The following GPR158 variants were observed in gnomAD, a reference collection of about 807,000 sequenced individuals.
GPR158 encodes G protein-coupled receptor 158.
GPR158 carries 30 observed loss-of-function variants against 78.2 expected under a neutral mutation model. The ratio of observed to expected loss-of-function variants is 0.38; its 90% CI spans 0.29 to 0.52. The LOEUF (loss-of-function observed/expected upper bound fraction) is 0.52. GPR158 is among the 20% of genes least tolerant of loss of function. The pLI is 0.83. For synonymous variants in GPR158, 581 were observed against 591.1 expected, an observed-to-expected ratio of 0.98 and a Z score of 0.25; for missense variants, 1,463 against 1,523.5, an observed-to-expected ratio of 0.96 and a Z score of 0.66.
chr10:25,198,393 A>AC (rs2130651507), intron 1 of GPR158, among the ~76,000 whole-genome samples: 1 of 152,292 alleles, frequency 6.6e-6, no homozygotes, highest in Admixed American at 6.5e-5. Context: ...GGGGAGGAGA[A>AC]CATTTCCTTG....
chr10:25,342,720 C>T (rs573812), intron 2 of GPR158, among the ~76,000 whole-genome samples: 101,529 of 151,266 alleles, frequency 0.67, 35,768 homozygotes, highest in Non-Finnish European at 0.8. Context: ...ATTAGTACCT[C>T]TTTTCCTCAG....
At chr10:25,293,348 A>C (rs1022033035) in intron 2 of GPR158, among the ~76,000 whole-genome samples, 1 of 152,220 alleles carries the variant, frequency 6.6e-6, no homozygotes, top group African/African-American at 2.4e-5. Context: ...TCCCACTTAC[A>C]TAGTAGGTAT....
chr10:25,302,379 C>G (rs1378329910), intron 2 of GPR158, among the ~76,000 whole-genome samples: 2 of 152,010 alleles, frequency 1.3e-5, no homozygotes, highest in Non-Finnish European at 2.9e-5. Flanking sequence ...CCACCGCGCC[C>G]GGCCATTTGT....
chr10:25,329,111 G>C (rs1855080997), intron 2 of GPR158, among the ~76,000 whole-genome samples: 1 of 151,858 alleles, frequency 6.6e-6, no homozygotes, highest in Non-Finnish European at 1.5e-5. Context: ...TTATAAATTT[G>C]TTTTGCTCTG....
chr10:25,599,076 T>C lies in GPR158; in HGVS notation c.3450T>C (p.Asn1150=), dbSNP rs1300291832. Residue 1150 remains asparagine, a synonymous_variant, in exon 11 of 11, where the codon AAT becomes AAC. Transcript: ENST00000376351. ...QEKKTSSSEE[N]VRGSYNSSNN... ...AAAAGACATCTTCTTCTGAGGAGAA[T>C]GTGCGTGGCTCCTATAACTCAAGTA... 6.2e-6 allele frequency: 10 copies of C among 1,613,586 alleles called. No homozygotes were observed. The South Asian group carries it at 8.8e-5, about 14-fold the overall frequency.
At chr10:25,515,298 G>A (rs1221832720) in intron 5 of GPR158, among the ~76,000 whole-genome samples, 1 of 151,546 alleles carries the variant, frequency 6.6e-6, no homozygotes, top group Non-Finnish European at 1.5e-5. Context: ...AGACTTTCCA[G>A]TGCATTTTGC....
intron 2 of GPR158, among the ~76,000 whole-genome samples, chr10:25,321,213 T>C (rs1854943588): frequency 1.3e-5 from 2 of 152,224 alleles, no homozygotes; most frequent in African/African-American, 2.4e-5. Flanking sequence ...TAATGCTAAA[T>C]ATGTATTTTT....
chr10:25,505,682 G>T (rs1028581108), intron 5 of GPR158, among the ~76,000 whole-genome samples: 4 of 152,274 alleles, frequency 2.6e-5, no homozygotes, highest in Admixed American at 1.3e-4. Context: ...CTCAGATCCA[G>T]CCTCCCTGTT....
chr10:25,435,472 G>C (rs1834986623), intron 4 of GPR158, among the ~76,000 whole-genome samples: 1 of 152,036 alleles, frequency 6.6e-6, no homozygotes, highest in Non-Finnish European at 1.5e-5. Context: ...CCCAGAAAAA[G>C]AAAATTATGT....
rs568633834 is a variant in GPR158, at chr10:25,469,197, A to T, written c.1404+2478A>T. The stretch of plus-strand genomic sequence containing the variant: ...ATGTACACTCTCTCTTGGTGATCTC[A>T]TCTAGCCTCAAAGTTTAAGTACTAT... On this transcript the variant is annotated intron_variant, in intron 5 of 10. Coordinates refer to ENST00000376351, the MANE Select transcript of GPR158 (RefSeq NM_020752.3). 2.6e-5 allele frequency among the ~76,000 whole-genome samples: 4 copies of T among 152,238 alleles called. No individual in the cohort carries two copies. The East Asian group carries it at 7.7e-4, about 29-fold the overall frequency.
At chr10:25,202,295 A>G (rs140189492) in intron 1 of GPR158, among the ~76,000 whole-genome samples, 47 of 151,296 alleles carry the variant, frequency 3.1e-4, no homozygotes, top group African/African-American at 1.1e-3. Context: ...GTACATGTGC[A>G]CAACATGCAG....
intron 5 of GPR158, among the ~76,000 whole-genome samples, chr10:25,514,396 C>A (rs1836132625): frequency 6.6e-6 from 1 of 151,968 alleles, no homozygotes; most frequent in African/African-American, 2.4e-5. Context: ...TTATGTGAGT[C>A]CTTATATGTT....
intron 2 of GPR158, among the ~76,000 whole-genome samples, chr10:25,251,475 C>T (rs375743116): frequency 0.01 from 1,566 of 151,630 alleles, 12 homozygotes; most frequent in South Asian, 0.029. Flanking sequence ...CCATGTTTAG[C>T]GCTTCCTTCA....
chr10:25,392,365 G>A (rs1186983172), intron 2 of GPR158, among the ~76,000 whole-genome samples: 3 of 152,288 alleles, frequency 2.0e-5, no homozygotes, highest in African/African-American at 7.2e-5. Flanking sequence ...GGCAGGTGTG[G>A]GATCCAGGCT....
At chr10:25,325,884 C>T (rs1050582191) in intron 2 of GPR158, among the ~76,000 whole-genome samples, 6 of 141,710 alleles carry the variant, frequency 4.2e-5, no homozygotes, top group African/African-American at 8.0e-5. Flanking sequence ...TTTTTTAATA[C>T]ACCTATTGGC....
At chr10:25,245,182 T>C (rs1169176269) in intron 2 of GPR158, among the ~76,000 whole-genome samples, 1 of 152,210 alleles carries the variant, frequency 6.6e-6, no homozygotes, top group Non-Finnish European at 1.5e-5. Flanking sequence ...GGAATGCCAG[T>C]TCACTGGAAG....
intron 2 of GPR158, among the ~76,000 whole-genome samples, chr10:25,263,583 A>G (rs1330463732): frequency 6.6e-6 from 1 of 152,196 alleles, no homozygotes; most frequent in African/African-American, 2.4e-5. Context: ...TATTTAAAAA[A>G]AATCTGCTGT....
intron 2 of GPR158, among the ~76,000 whole-genome samples, chr10:25,241,567 C>G (rs541604969): frequency 6.6e-6 from 1 of 151,564 alleles, no homozygotes; most frequent in Non-Finnish European, 1.5e-5. Flanking sequence ...GTTACAGGTG[C>G]GCACCACCAT....
chr10:25,199,130 GT>G (rs200104630), intron 1 of GPR158, among the ~76,000 whole-genome samples: 2 of 144,624 alleles, frequency 1.4e-5, no homozygotes, highest in South Asian at 2.2e-4. Flanking sequence ...TAAAGTTTTT[GT>G]TTTTTTTTTG....
Sources: gnomAD v4.1 joint callset for allele counts (sites outside exome capture counted in the v4.1 genomes callset) on GRCh38, gnomAD v4.1.1 for gene constraint, MANE v1.5 for transcripts, NCBI Gene and HGNC (gene_info 2026-07-23, HGNC 2026-07-21) for gene names.